APEX2: variants seen among roughly 807,000 people sequenced by gnomAD.
The protein encoded by APEX2 is DNA-(apurinic or apyrimidinic site) endonuclease 2.
A neutral mutation model predicts 16.7 loss-of-function variants in APEX2; 4 were observed. The ratio of observed to expected loss-of-function variants is 0.24; its 90% CI spans 0.12 to 0.55. The LOEUF is 0.55. Among genes scored for constraint, APEX2 ranks in the 20% least tolerant of loss-of-function variants. APEX2 has a pLI of 0.94. For synonymous variants in APEX2, 181 were observed against 166.9 expected (o/e 1.08, Z -0.65); for missense variants, 357 against 433.6 (o/e 0.82, Z 1.57).
intron 3 of APEX2, 126 bp from the exon 4 acceptor site, chrX:55,002,836 T>A: frequency 1.3e-6 from 1 of 748,720 alleles, no homozygotes; most frequent in Non-Finnish European, 1.9e-6. Flanking sequence ...GCCAGATCAT[T>A]TGTGTCTCTT....
chrX:55,006,776 A>G lies in APEX2; in HGVS notation c.898A>G (p.Met300Val). ...GGCCTCTTTCCTGCTGCCTGAGGTGATGGGCTCTGACCACTGCCCTGTGGG... is the reference window on the plus strand; with the variant it reads ...GGCCTCTTTCCTGCTGCCTGAGGTGGTGGGCTCTGACCACTGCCCTGTGGG... The part of the protein sequence containing the change: ...FQASFLLPEV[M>V]GSDHCPVGAV... Residue 300 changes from methionine (M) to valine (V), a missense_variant, in exon 6 of 6, where the codon ATG becomes GTG. Transcript: ENST00000374987. 8.3e-7 allele frequency: 1 copy of G among 1,210,430 alleles called. No homozygotes were observed. The highest frequency in any genetic ancestry group is 3.0e-5 in the East Asian group (1 of 33,810).
chrX:55,006,266 C>T (rs1206308218), intron 5 of APEX2, among the ~76,000 whole-genome samples: 1 of 110,757 alleles, frequency 9.0e-6, no homozygotes, highest in Non-Finnish European at 1.9e-5. Context: ...TCAGATTTGC[C>T]ATTGACGGAC....
chrX:55,000,628 A>G (rs1935425497), intron 1 of APEX2, 49 bp downstream of exon 1: 1 of 1,149,527 alleles, frequency 8.7e-7, no homozygotes. Context: ...CTTTCCCGCT[A>G]ACTTTTGTCC....
At chrX:55,003,673 T>G in intron 4 of APEX2, 126 bp from the exon 5 acceptor site, 13 of 551,548 alleles carry the variant, frequency 2.4e-5, no homozygotes, top group Non-Finnish European at 3.6e-5. Flanking sequence ...TAGGCTGTTA[T>G]GAGTTGCTGT....
chrX:55,003,775 A>G (rs746157925), intron 4 of APEX2, 24 bp from the exon 5 acceptor site: 1 of 1,202,907 alleles, frequency 8.3e-7, no homozygotes, highest in African/African-American at 1.8e-5. Flanking sequence ...CCCCTTTCTA[A>G]CAATCCCACA....
At position 55,006,881 on chromosome X, in the gene APEX2, A is replaced by G; in HGVS notation, c.1003A>G (p.Thr335Ala). Reference protein sequence around the residue: ...CTRFLPEFAGTQLKILRFLVP... With the variant: ...CTRFLPEFAGAQLKILRFLVP... ...CCGCTTCCTCCCTGAGTTTGCAGGCACCCAGCTCAAGATCCTTCGCTTCCT... is the reference window on the plus strand; with the variant it reads ...CCGCTTCCTCCCTGAGTTTGCAGGCGCCCAGCTCAAGATCCTTCGCTTCCT... Residue 335 changes from threonine (T) to alanine (A), a missense_variant, in exon 6 of 6, where the codon ACC (threonine) becomes GCC (alanine). Physicochemically the swap from Thr to Ala is moderately conservative, Grantham distance 58. Coordinates refer to ENST00000374987, the MANE Select transcript of APEX2 (RefSeq NM_014481.4). The G allele has an allele frequency of 8.3e-7, 1 of 1,211,598 alleles. No homozygotes were observed. Among genetic ancestry groups the G allele is most frequent in the Non-Finnish European group, 1.1e-6 (1 of 895,477 alleles).
At chrX:55,004,776 C>A (rs761183902) in intron 5 of APEX2, among the ~76,000 whole-genome samples, 164 of 111,591 alleles carry the variant, frequency 1.5e-3, no homozygotes, top group African/African-American at 5.0e-3. Context: ...TCTCTAAGTT[C>A]CCCTAGGCCC....
At position 55,007,190 on chromosome X, in the gene APEX2, G is replaced by A. The variant is rs1935514320; in HGVS notation, c.1312G>A (p.Gly438Arg). ...EEKAVAKVVK[G>R]QAKTSEAKDE... The stretch of plus-strand genomic sequence containing the variant: ...GAAGGCAGTGGCCAAAGTGGTGAAG[G>A]GGCAGGCCAAGACTTCAGAAGCCAA... Residue 438 changes from glycine to arginine, a missense_variant, in exon 6 of 6, where the codon GGG becomes AGG. By Grantham distance (125) the Gly-to-Arg change is moderately radical (BLOSUM62 -2). Transcript: ENST00000374987. 1 of 1,210,580 alleles carries A rather than the reference G, an allele frequency of 8.3e-7. No homozygotes were observed. Among genetic ancestry groups the A allele is most frequent in the African/African-American group, 1.7e-5 (1 of 57,303 alleles).
intron 4 of APEX2, 70 bp from the exon 5 acceptor site, chrX:55,003,729 G>A: frequency 9.4e-7 from 1 of 1,062,589 alleles, no homozygotes; most frequent in Non-Finnish European, 1.3e-6. Context: ...TGAGCTCTTG[G>A]GCCCAGGAAA....
intron 5 of APEX2, among the ~76,000 whole-genome samples, chrX:55,005,740 G>A (rs759185660): frequency 4.5e-5 from 5 of 110,129 alleles, no homozygotes; most frequent in African/African-American, 9.9e-5. Flanking sequence ...TTTTGGGTAC[G>A]CAGCACACTC....
chrX:55,003,879 C>G lies in APEX2; in HGVS notation c.639+11C>G, dbSNP rs369987389. On this transcript the variant is annotated intron_variant, in intron 5 of 5. Transcript: ENST00000374987. Reference sequence around the variant, plus strand: ...GATGCAGTCAACCTGGTAAGGCTCCCTCTAGGTGCCTGGCCCCACTCCTGA... The same window carrying G: ...GATGCAGTCAACCTGGTAAGGCTCCGTCTAGGTGCCTGGCCCCACTCCTGA... 298 of 1,204,134 alleles carry G rather than the reference C, an allele frequency of 2.5e-4. No homozygotes were observed. Among genetic ancestry groups the G allele is most frequent in the Non-Finnish European group, 3.1e-4 (275 of 889,621 alleles).
At chrX:55,005,083 T>C (rs755512727) in intron 5 of APEX2, among the ~76,000 whole-genome samples, 57 of 111,927 alleles carry the variant, frequency 5.1e-4, no homozygotes, top group Non-Finnish European at 5.6e-5. Context: ...TATTCCTTGA[T>C]TAATTCACAG....
At position 55,009,016 on chromosome X, in the gene APEX2, A is replaced by G; in HGVS notation, c.*1581A>G. ...CTGCCACTTGTCTGAGGGAGTCAGA[A>G]TGCACTTGTCTGTTCCCTGTCCAAT... On this transcript the variant is annotated 3_prime_UTR_variant, in exon 6 of 6. Transcript: ENST00000374987. 1 of 630,713 alleles carries G rather than the reference A, an allele frequency of 1.6e-6. No individual in the cohort carries two copies. The highest frequency in any genetic ancestry group is 2.4e-6 in the Non-Finnish European group (1 of 412,230). The allele number at this position is 630,713 out of a possible 1,213,427, so 52.0% of individuals were successfully genotyped here. A position where few individuals can be genotyped will look rare whatever the true frequency, so the allele number is the denominator to read the frequency against.
chrX:55,003,275 G>A (rs886666824), intron 4 of APEX2, among the ~76,000 whole-genome samples, 167 bp downstream of exon 4: 8 of 112,619 alleles, frequency 7.1e-5, no homozygotes, highest in African/African-American at 2.6e-4. Flanking sequence ...AAACAAACAT[G>A]GGTTTTGTAC....
At chrX:55,006,475 G>A in intron 5 of APEX2, 43 bp from the exon 6 acceptor site, 2 of 1,042,774 alleles carry the variant, frequency 1.9e-6, no homozygotes, top group South Asian at 3.1e-5. Context: ...TAGGTATCTA[G>A]TTCTGTCTCT....
At position 55,008,807 on chromosome X, in the gene APEX2, G is replaced by A. The variant is rs975175594; in HGVS notation, c.*1372G>A. ...CCAGGGCCCGGATTACCAGTGAAGCGTCAATCCCTGGATTTTTATTGAAAC... is the reference window on the plus strand; with the variant it reads ...CCAGGGCCCGGATTACCAGTGAAGCATCAATCCCTGGATTTTTATTGAAAC... On this transcript the variant is annotated 3_prime_UTR_variant, in exon 6 of 6. Coordinates refer to ENST00000374987, the MANE Select transcript of APEX2 (RefSeq NM_014481.4). 5.1e-5 allele frequency: 8 copies of A among 155,457 alleles called. No individual in the cohort carries two copies. In the South Asian group the frequency reaches 7.8e-4, roughly 15 times the overall value. 12.8% of individuals were successfully genotyped at this position (155,457 alleles called of 1,213,427 possible).
At chrX:55,001,119 C>T (rs1935435707) in intron 1 of APEX2, among the ~76,000 whole-genome samples, 2 of 109,595 alleles carry the variant, frequency 1.8e-5, no homozygotes, top group Non-Finnish European at 1.9e-5. Context: ...CTTATCTCCC[C>T]TCAGAATCCC....
chrX:55,001,431 C>T, intron 1 of APEX2, 115 bp from the exon 2 acceptor site: 1 of 481,342 alleles, frequency 2.1e-6, no homozygotes, highest in Admixed American at 4.5e-5. Flanking sequence ...TCCCGTCACC[C>T]CCAACTCTGG....
chrX:55,000,970 CTAATT>C (rs1156471363), intron 1 of APEX2, among the ~76,000 whole-genome samples: 1 of 108,534 alleles, frequency 9.2e-6, no homozygotes, highest in African/African-American at 3.4e-5. Context: ...CCAGCTCAGT[CTAATT>C]TCCTCTTTTT....
Sources: gnomAD v4.1 joint callset for allele counts (sites outside exome capture counted in the v4.1 genomes callset) on GRCh38, gnomAD v4.1.1 for gene constraint, MANE v1.5 for transcripts, NCBI Gene and HGNC (gene_info 2026-07-23, HGNC 2026-07-21) for gene names.